Variants in COMMD1 observed in about 807,000 individuals in gnomAD.
COMMD1 encodes the protein COMM domain-containing protein 1.
A neutral mutation model predicts 17.2 loss-of-function variants in COMMD1; 10 were observed. That is an observed-to-expected ratio of 0.58 (90% CI 0.36 to 0.99). The LOEUF (loss-of-function observed/expected upper bound fraction) is 0.99. COMMD1 is among the 50% of genes least tolerant of loss of function. COMMD1 has a pLI of 0.01. For synonymous variants in COMMD1, 97 were observed against 91.6 expected (o/e 1.06, Z -0.34); for missense variants, 270 against 231.8 (o/e 1.17, Z -1.07).
intron 2 of COMMD1, among the ~76,000 whole-genome samples, chr2:62,077,381 A>G (rs189989087): frequency 1.1e-3 from 161 of 152,348 alleles, no homozygotes; most frequent in Non-Finnish European, 6.8e-4. Context: ...GCCTCCTTCT[A>G]TTTTGAGAAG....
chr2:62,129,519 AGGAGC>A (rs1232433542), intron 2 of COMMD1, among the ~76,000 whole-genome samples: 1 of 152,222 alleles, frequency 6.6e-6, no homozygotes, highest in Admixed American at 6.5e-5. Context: ...CTTGAAGTAA[AGGAGC>A]AGTATCAATG....
intron 1 of COMMD1, among the ~76,000 whole-genome samples, chr2:61,933,480 G>A (rs549363144): frequency 6.6e-6 from 1 of 152,064 alleles, no homozygotes; most frequent in Admixed American, 6.6e-5. Context: ...CAGGCTTAAG[G>A]GTGGGGTTTA....
intron 1 of COMMD1, among the ~76,000 whole-genome samples, chr2:61,916,200 G>A (rs748708020): frequency 1.3e-5 from 2 of 152,112 alleles, no homozygotes; most frequent in Non-Finnish European, 2.9e-5. Flanking sequence ...GGACTCAAGT[G>A]ATCTTCCTGC....
chr2:62,037,221 A>G (rs1034315629), intron 2 of COMMD1, among the ~76,000 whole-genome samples: 27 of 152,206 alleles, frequency 1.8e-4, no homozygotes, highest in African/African-American at 6.3e-4. Context: ...TTTAACTACA[A>G]TAGAATAGCT....
chr2:62,093,376 G>A (rs377014293), intron 2 of COMMD1, among the ~76,000 whole-genome samples: 3 of 152,146 alleles, frequency 2.0e-5, no homozygotes, highest in East Asian at 1.9e-4. Context: ...GTTTCCAAAA[G>A]TATTGTTTTC....
chr2:61,934,565 A>T (rs936250655), intron 1 of COMMD1, among the ~76,000 whole-genome samples: 19 of 152,050 alleles, frequency 1.2e-4, no homozygotes, highest in South Asian at 4.2e-4. Flanking sequence ...TCAAAAAAAA[A>T]TTTTTTTTAT....
chr2:62,086,898 C>T (rs1247922289), intron 2 of COMMD1, among the ~76,000 whole-genome samples: 1 of 151,614 alleles, frequency 6.6e-6, no homozygotes, highest in Non-Finnish European at 1.5e-5. Flanking sequence ...CTCTGTTGCC[C>T]AGGCTGGAGT....
At chr2:61,977,495 C>T (rs948455813) in intron 1 of COMMD1, among the ~76,000 whole-genome samples, 39 of 151,658 alleles carry the variant, frequency 2.6e-4, no homozygotes, top group Non-Finnish European at 4.7e-4. Flanking sequence ...GTGCCCGCCT[C>T]GGCCTCCCAA....
intron 2 of COMMD1, among the ~76,000 whole-genome samples, chr2:62,042,312 C>G (rs1249117855): frequency 1.3e-5 from 2 of 152,294 alleles, no homozygotes; most frequent in East Asian, 3.9e-4. Context: ...GTTTGCAAAC[C>G]TTTTGCTAGA....
At chr2:61,930,153 C>G (rs1318362584) in intron 1 of COMMD1, among the ~76,000 whole-genome samples, 1 of 152,132 alleles carries the variant, frequency 6.6e-6, no homozygotes, top group Non-Finnish European at 1.5e-5. Flanking sequence ...CCAGGACAGT[C>G]AGTCTTTGGT....
intron 2 of COMMD1, among the ~76,000 whole-genome samples, chr2:62,016,206 CTTT>C (rs769583167): frequency 3.6e-5 from 4 of 112,250 alleles, no homozygotes; most frequent in African/African-American, 6.9e-5. Context: ...CTTTTCTTTT[CTTT>C]TTTTTTTTTT....
intron 2 of COMMD1, among the ~76,000 whole-genome samples, chr2:62,083,495 C>T (rs529214302): frequency 7.2e-5 from 11 of 152,334 alleles, no homozygotes; most frequent in African/African-American, 2.6e-4. Context: ...CTAGAATAGT[C>T]CTGCTCATTT....
intron 1 of COMMD1, among the ~76,000 whole-genome samples, chr2:61,934,923 A>G (rs1168388155): frequency 6.6e-6 from 1 of 152,240 alleles, no homozygotes; most frequent in East Asian, 1.9e-4. Context: ...TGGCCGCCTC[A>G]TAAATTCTTA....
intron 1 of COMMD1, among the ~76,000 whole-genome samples, chr2:61,958,307 C>G (rs1234069262): frequency 1.3e-5 from 2 of 149,908 alleles, no homozygotes; most frequent in Non-Finnish European, 3.0e-5. Flanking sequence ...GCTCTTGTTG[C>G]CCAGGCTGGA....
intron 2 of COMMD1, among the ~76,000 whole-genome samples, chr2:62,043,589 A>T (rs542472380): frequency 5.3e-5 from 8 of 152,314 alleles, no homozygotes; most frequent in African/African-American, 1.9e-4. Context: ...AGAGGCAACT[A>T]ATTCTGGGTA....
rs538597627 is a variant in COMMD1 at position 62,041,808 on chromosome 2, G to A, written c.462+40826G>A. On this transcript the variant is annotated intron_variant, in intron 2 of 2. Transcript: ENST00000311832. ...ATGTGTCCGGAGTTTCTTCCTTCCG[G>A]TGGGTTCGTGGTCTCGCTGGCTTCA... Among the ~76,000 whole-genome samples the A allele has an allele frequency of 2.0e-5, 3 of 152,214 alleles. No individual in the cohort carries two copies. The South Asian group carries it at 6.2e-4, about 32-fold the overall frequency.
At chr2:61,905,083 T>C (rs1669737382), upstream of COMMD1, among the ~76,000 whole-genome samples, 1 of 152,244 alleles carries the variant, frequency 6.6e-6, no homozygotes, top group African/African-American at 2.4e-5. Flanking sequence ...ATATTAGCTA[T>C]GCATTTCATT....
chr2:61,917,244 T>G (rs1670074005), intron 1 of COMMD1, among the ~76,000 whole-genome samples: 3 of 151,848 alleles, frequency 2.0e-5, no homozygotes, highest in South Asian at 4.2e-4. Context: ...GTAATCCCAG[T>G]TACTGGGGAG....
In COMMD1 at chr2:62,000,712, T is replaced by C. The variant is rs909052184; in HGVS notation, c.192T>C (p.Ser64=). The C allele has an allele frequency of 8.1e-6, 13 of 1,614,190 alleles. No homozygotes were observed. The highest frequency in any genetic ancestry group is 5.0e-5 in the Admixed American group (3 of 60,022). The change falls in exon 2 of 3, where the codon TCT becomes TCC. Residue 64 remains serine (S), a synonymous_variant. Coordinates refer to ENST00000311832, the MANE Select transcript of COMMD1 (RefSeq NM_152516.4). ...KMRGILKSIA[S]ADMDFNQLEA... ...TGTCATCTTTATAGTCTATTGCGTC[T>C]GCAGACATGGATTTCAACCAGCTGG...
Sources: gnomAD v4.1 joint callset for allele counts (sites outside exome capture counted in the v4.1 genomes callset) on GRCh38, gnomAD v4.1.1 for gene constraint, MANE v1.5 for transcripts, NCBI Gene and HGNC (gene_info 2026-07-23, HGNC 2026-07-21) for gene names.